Variants in CACNA1C observed in about 807,000 individuals in gnomAD.
The protein encoded by CACNA1C is calcium voltage-gated channel subunit alpha1 C.
In CACNA1C, 30 loss-of-function variants were observed where a neutral mutation model predicts 229.0. That is an observed-to-expected ratio of 0.13 (90% CI 0.10 to 0.18). The LOEUF is 0.18. Among genes scored for constraint, CACNA1C ranks in the 10% least tolerant of loss-of-function variants. The pLI is 1.00. For synonymous variants in CACNA1C, 1,114 were observed against 1,132.5 expected (o/e 0.98, Z 0.33); for missense variants, 1,658 against 2,845.0 (o/e 0.58, Z 9.49).
chr12:2,177,577 C>T (rs1047310281), intron 3 of CACNA1C, among the ~76,000 whole-genome samples: 7 of 59,756 alleles, frequency 1.2e-4, no homozygotes, highest in African/African-American at 2.5e-4. Flanking sequence ...CCCTCCCTCC[C>T]TCCCTCCCTC....
intron 3 of CACNA1C, among the ~76,000 whole-genome samples, chr12:2,176,133 G>A (rs1044453327): frequency 6.6e-6 from 1 of 152,112 alleles, no homozygotes; most frequent in South Asian, 2.1e-4. Context: ...GAGGATGCTA[G>A]GAATTTGGGT....
intron 3 of CACNA1C, among the ~76,000 whole-genome samples, chr12:2,231,686 A>C (rs2154362831): frequency 6.6e-6 from 1 of 152,248 alleles, no homozygotes; most frequent in East Asian, 1.9e-4. Context: ...TGTTGGATAC[A>C]CAGCTTGAAC....
At chr12:2,281,080 T>G (rs1331002034) in intron 3 of CACNA1C, among the ~76,000 whole-genome samples, 1 of 151,822 alleles carries the variant, frequency 6.6e-6, no homozygotes. Flanking sequence ...TCATTTAACA[T>G]GAGGTATATC....
In CACNA1C at chr12:2,654,510, A is replaced by G. The variant is rs868672886; in HGVS notation, c.4140+610A>G. On this transcript the variant is annotated intron_variant, in intron 33 of 46. Transcript: ENST00000399655. The surrounding 1 kb of genome is among the most constrained non-coding windows in gnomAD (Gnocchi z 4.4). ...GGCTCCAGCTTGAGTCCCAAGGCCAAACTTGGCAGGGCGCCCACACTAGCC... is the reference window on the plus strand; with the variant it reads ...GGCTCCAGCTTGAGTCCCAAGGCCAGACTTGGCAGGGCGCCCACACTAGCC... 8.5e-5 allele frequency among the ~76,000 whole-genome samples: 13 copies of G among 152,146 alleles called. No homozygotes were observed. Among genetic ancestry groups the G allele is most frequent in the Non-Finnish European group, 1.6e-4 (11 of 68,024 alleles).
chr12:2,592,703 ATT>A (rs55789235), intron 18 of CACNA1C, among the ~76,000 whole-genome samples: 33,213 of 131,762 alleles, frequency 0.25, 4,258 homozygotes, highest in African/African-American at 0.39. Flanking sequence ...CAGCACATGA[ATT>A]TTTTTTTTTT....
intron 1 of CACNA1C, among the ~76,000 whole-genome samples, chr12:2,021,769 G>T (rs568409785): frequency 1.3e-5 from 2 of 152,152 alleles, no homozygotes; most frequent in Non-Finnish European, 2.9e-5. Flanking sequence ...CTTTCTTACT[G>T]CTTCTCACAT....
At chr12:2,263,044 A>G (rs2080943480) in intron 3 of CACNA1C, among the ~76,000 whole-genome samples, 1 of 152,206 alleles carries the variant, frequency 6.6e-6, no homozygotes, top group African/African-American at 2.4e-5. Flanking sequence ...GAATGCAGGG[A>G]TGGAGATAGG....
intron 3 of CACNA1C, among the ~76,000 whole-genome samples, chr12:2,324,575 TG>T (rs2096197231): frequency 6.6e-6 from 1 of 152,262 alleles, no homozygotes. Context: ...CTCCCTGAGC[TG>T]CACCTGCTGG....
intron 3 of CACNA1C, chr12:2,222,461 A>G (rs1298540331): frequency 1.3e-5 from 2 of 152,186 alleles, no homozygotes; most frequent in Non-Finnish European, 2.9e-5. Context: ...AACAAGAACA[A>G]GAATAATGCT....
intron 3 of CACNA1C, among the ~76,000 whole-genome samples, chr12:2,146,487 A>G (rs1251976771): frequency 6.6e-6 from 1 of 151,236 alleles, no homozygotes; most frequent in African/African-American, 2.4e-5. Flanking sequence ...CTTGGATAAA[A>G]AATGATAATG....
chr12:2,352,551 T>C lies in CACNA1C; in HGVS notation c.478-96425T>C, dbSNP rs371538043. Among the ~76,000 whole-genome samples the C allele has an allele frequency of 2.2e-3, 342 of 152,230 alleles. 3 individuals carry two copies. The highest frequency in any genetic ancestry group is 7.9e-3 in the African/African-American group (330 of 41,532). On this transcript the variant is annotated intron_variant, in intron 3 of 46. Coordinates refer to ENST00000399655, the MANE Select transcript of CACNA1C (RefSeq NM_000719.7). ...TCCTTTCTTTATCTTGGTGGGGAGATGCTGGTTACCCCCAAGGATGCTGAA... is the reference window on the plus strand; with the variant it reads ...TCCTTTCTTTATCTTGGTGGGGAGACGCTGGTTACCCCCAAGGATGCTGAA...
chr12:2,621,936 T>C (rs936520358), intron 29 of CACNA1C, among the ~76,000 whole-genome samples: 1 of 152,190 alleles, frequency 6.6e-6, no homozygotes, highest in African/African-American at 2.4e-5. Context: ...GTCAGCGCCA[T>C]CTATTCCCTC....
At chr12:2,682,365 A>T (rs369094296) in intron 42 of CACNA1C, among the ~76,000 whole-genome samples, 185 bp from the exon 43 acceptor site, 1 of 152,164 alleles carries the variant, frequency 6.6e-6, no homozygotes, top group Non-Finnish European at 1.5e-5. Context: ...GAACACTTCT[A>T]TGGATCCATC....
chr12:2,239,507 C>T (rs1454078376), intron 3 of CACNA1C, among the ~76,000 whole-genome samples: 3 of 152,188 alleles, frequency 2.0e-5, no homozygotes, highest in Admixed American at 6.5e-5. Context: ...GCTCTCTCCA[C>T]CCAGCTGCTG....
At chr12:2,669,074 G>C (rs2153729588) in intron 38 of CACNA1C, 39 bp downstream of exon 38, 1 of 1,362,634 alleles carries the variant, frequency 7.3e-7, no homozygotes, top group East Asian at 2.3e-5. Flanking sequence ...ACACTCAGAA[G>C]GTCTAGCAGA....
intron 1 of CACNA1C, among the ~76,000 whole-genome samples, chr12:1,972,230 C>T (rs973564364): frequency 1.3e-5 from 2 of 152,306 alleles, no homozygotes; most frequent in African/African-American, 4.8e-5. Context: ...CTTCAAACTC[C>T]ACTCCTTTCA....
chr12:2,511,280 G>A (rs1212873065), intron 8 of CACNA1C, among the ~76,000 whole-genome samples: 4 of 152,046 alleles, frequency 2.6e-5, no homozygotes, highest in South Asian at 2.1e-4. Context: ...CCATAAAGAC[G>A]GTGCATGCTG....
intron 9 of CACNA1C, among the ~76,000 whole-genome samples, chr12:2,528,227 C>T (rs2099828662): frequency 1.3e-5 from 2 of 152,166 alleles, no homozygotes; most frequent in Non-Finnish European, 2.9e-5. Context: ...CTGCAGTTGG[C>T]CTCTCCCAGT....
intron 5 of CACNA1C, among the ~76,000 whole-genome samples, chr12:2,474,702 G>A (rs193291521): frequency 7.3e-5 from 11 of 149,774 alleles, no homozygotes; most frequent in African/African-American, 2.7e-4. Flanking sequence ...GTTGCAGTGA[G>A]CTGAGATCAC....
Sources: allele counts gnomAD v4.1 joint callset (sites outside exome capture counted in the v4.1 genomes callset), GRCh38; gene constraint gnomAD v4.1.1; non-coding constraint Gnocchi (gnomAD v3.1); transcripts MANE v1.5; gene names NCBI Gene and HGNC (gene_info 2026-07-23, HGNC 2026-07-21).